The following SPMAP2 variants were observed in gnomAD, a reference collection of about 807,000 sequenced individuals.
The protein encoded by SPMAP2 is sperm microtubule associated protein 2.
the SPMAP2 span, among the ~76,000 whole-genome samples, chr19:364,515 TAAA>T: frequency 4.3e-5 from 6 of 140,274 alleles, 1 homozygote; most frequent in Admixed American, 4.3e-4. Flanking sequence ...ACCCCATCTC[TAAA>T]AAAAAAAAAA....
chr19:367,141 G>T, the SPMAP2 span: 2 of 1,612,754 alleles, frequency 1.2e-6, no homozygotes, highest in African/African-American at 1.3e-5. Context: ...CTTCCAAGAG[G>T]GTGGCTGGGG....
the SPMAP2 span, chr19:371,409 T>G: frequency 1.8e-6 from 1 of 567,056 alleles, no homozygotes; most frequent in Non-Finnish European, 2.9e-6. Flanking sequence ...TGTGTGTATG[T>G]GTCTGTCTGT....
At chr19:369,484 A>G in the SPMAP2 span, among the ~76,000 whole-genome samples, 2 of 152,056 alleles carry the variant, frequency 1.3e-5, no homozygotes, top group African/African-American at 2.4e-5. Flanking sequence ...GCAACCAGGA[A>G]GGGGATCGCC....
At chr19:371,925 G>A in the SPMAP2 span, among the ~76,000 whole-genome samples, 1 of 152,274 alleles carries the variant, frequency 6.6e-6, no homozygotes, top group Non-Finnish European at 1.5e-5. Context: ...GATGGCGGAA[G>A]TGTCCTGGCT....
At chr19:366,328 C>T in the SPMAP2 span, among the ~76,000 whole-genome samples, 9 of 152,008 alleles carry the variant, frequency 5.9e-5, no homozygotes, top group South Asian at 4.1e-4. Context: ...TCATACTCAA[C>T]GTGTGTGTGT....
chr19:374,685 G>C, the SPMAP2 span: 2 of 521,228 alleles, frequency 3.8e-6, no homozygotes, highest in South Asian at 2.4e-5. Context: ...CTGTGAATTG[G>C]AGGTGAGACC....
the SPMAP2 span, among the ~76,000 whole-genome samples, chr19:375,124 G>T: frequency 6.6e-6 from 1 of 152,144 alleles, no homozygotes; most frequent in Non-Finnish European, 1.5e-5. Flanking sequence ...AGTCCCAGAG[G>T]TATGTAGAGT....
At chr19:364,116 A>G in the SPMAP2 span, among the ~76,000 whole-genome samples, 68,114 of 149,722 alleles carry the variant, frequency 0.45, 16,812 homozygotes, top group South Asian at 0.58. Context: ...GGCGGATCAC[A>G]AGGTCAGGAG....
At chr19:363,597 G>A in the SPMAP2 span, among the ~76,000 whole-genome samples, 5 of 152,018 alleles carry the variant, frequency 3.3e-5, no homozygotes, top group Non-Finnish European at 7.4e-5. Context: ...GCAGTAGCAT[G>A]ACCTTGACTC....
At chr19:365,513 A>G in the SPMAP2 span, among the ~76,000 whole-genome samples, 3 of 83,318 alleles carry the variant, frequency 3.6e-5, no homozygotes, top group Non-Finnish European at 6.2e-5. Context: ...ACTCGCTCTT[A>G]CCCCCACCAC....
At chr19:374,041 G>C in the SPMAP2 span, 1 of 1,606,566 alleles carries the variant, frequency 6.2e-7, no homozygotes. Context: ...GAGCCCCACT[G>C]CCTCTTGCCC....
At chr19:367,794 C>T in the SPMAP2 span, among the ~76,000 whole-genome samples, 4 of 152,286 alleles carry the variant, frequency 2.6e-5, no homozygotes, top group African/African-American at 7.2e-5. Context: ...AGGAGCCGGG[C>T]GCCCGGCCGC....
chr19:375,489 A>G, the SPMAP2 span, among the ~76,000 whole-genome samples: 3 of 151,918 alleles, frequency 2.0e-5, no homozygotes, highest in Admixed American at 1.3e-4. Context: ...CCGCCAACCG[A>G]CCAAGCCCAC....
At chr19:373,468 A>C in the SPMAP2 span, 2 of 1,612,968 alleles carry the variant, frequency 1.2e-6, no homozygotes, top group Non-Finnish European at 1.7e-6. Context: ...GGCTCCACCT[A>C]CCGGGCACTG....
the SPMAP2 span, chr19:362,411 G>T: frequency 6.2e-7 from 1 of 1,604,096 alleles, no homozygotes; most frequent in South Asian, 1.1e-5. Flanking sequence ...GCACTTGTCC[G>T]ACTGAGCTTT....
At chr19:373,916 C>A in the SPMAP2 span, 1 of 1,608,618 alleles carries the variant, frequency 6.2e-7, no homozygotes, top group Non-Finnish European at 8.5e-7. Flanking sequence ...CATAGGCACA[C>A]GGCGGAGACA....
the SPMAP2 span, among the ~76,000 whole-genome samples, chr19:372,008 C>T: frequency 6.6e-6 from 1 of 152,186 alleles, no homozygotes; most frequent in African/African-American, 2.4e-5. Flanking sequence ...AGTTTAATTA[C>T]AGTTTAAATT....
At chr19:365,561 G>A in the SPMAP2 span, among the ~76,000 whole-genome samples, 2,179 of 51,178 alleles carry the variant, frequency 0.043, 105 homozygotes, top group African/African-American at 0.13. Context: ...CCACACACTC[G>A]CTCTTACCCC....
the SPMAP2 span, chr19:367,052 G>C: frequency 6.2e-7 from 1 of 1,612,648 alleles, no homozygotes; most frequent in South Asian, 1.1e-5. Flanking sequence ...CCTAGCCTGA[G>C]GCACCTACTT....
Sources: allele counts gnomAD v4.1 joint callset (sites outside exome capture counted in the v4.1 genomes callset), GRCh38; gene constraint gnomAD v4.1.1; transcripts MANE v1.5; gene names NCBI Gene and HGNC (gene_info 2026-07-23, HGNC 2026-07-21).